Variants in PPARGC1A observed in about 807,000 individuals in gnomAD.
PPARGC1A encodes the protein peroxisome proliferator-activated receptor gamma coactivator 1-alpha.
Under a neutral mutation model 88.7 loss-of-function variants are expected in PPARGC1A, and 25 were observed. The ratio of observed to expected loss-of-function variants is 0.28; its 90% confidence interval spans 0.21 to 0.39. The LOEUF is 0.39. Among genes scored for constraint, PPARGC1A ranks in the 10% least tolerant of loss-of-function variants. The probability of loss-of-function intolerance (pLI) is 1.00; values close to 1 mark genes in which losing one functional copy is unlikely to be tolerated. For missense variants in PPARGC1A, 880 were observed against 968.7 expected (o/e 0.91, Z 1.22); for synonymous variants, 363 against 355.6 (o/e 1.02, Z -0.24).
chr4:24,359,763 G>A, the PPARGC1A span, among the ~76,000 whole-genome samples: 1 of 152,120 alleles, frequency 6.6e-6, no homozygotes, highest in African/African-American at 2.4e-5. Context: ...TACAAGCCAA[G>A]GAACACCAAA....
chr4:24,141,265 C>G, the PPARGC1A span, among the ~76,000 whole-genome samples: 2 of 152,256 alleles, frequency 1.3e-5, no homozygotes, highest in African/African-American at 4.8e-5. Context: ...CTTGGCCAAG[C>G]GGCCTCAGGT....
At chr4:24,248,118 C>T in the PPARGC1A span, among the ~76,000 whole-genome samples, 21 of 152,098 alleles carry the variant, frequency 1.4e-4, no homozygotes, top group African/African-American at 5.1e-4. Flanking sequence ...GTATTTCTTT[C>T]TCTTTTTTCT....
At chr4:23,909,320 T>C in the PPARGC1A span, among the ~76,000 whole-genome samples, 3 of 152,156 alleles carry the variant, frequency 2.0e-5, no homozygotes. Context: ...TAATAGTCTT[T>C]TAAGGAAAAA....
chr4:23,908,088 T>C (rs575660194), upstream of PPARGC1A, among the ~76,000 whole-genome samples: 10 of 152,332 alleles, frequency 6.6e-5, no homozygotes, highest in South Asian at 2.1e-3. Context: ...CTACCGATGC[T>C]TCGTCATGGG....
intron 1 of PPARGC1A, among the ~76,000 whole-genome samples, chr4:23,888,364 T>G (rs1717262715): frequency 6.6e-6 from 1 of 152,198 alleles, no homozygotes; most frequent in Non-Finnish European, 1.5e-5. Context: ...AAAATAAATC[T>G]TCCTTATTTC....
intron 12 of PPARGC1A, among the ~76,000 whole-genome samples, chr4:23,798,861 TCA>T: frequency 6.6e-6 from 1 of 152,326 alleles, no homozygotes; most frequent in East Asian, 1.9e-4. Context: ...TTTTAATCTC[TCA>T]CTCTCATTTA....
At chr4:23,937,050 G>C in the PPARGC1A span, among the ~76,000 whole-genome samples, 1 of 151,854 alleles carries the variant, frequency 6.6e-6, no homozygotes, top group Non-Finnish European at 1.5e-5. Context: ...AGACCAGGAG[G>C]GGTGCCATGA....
At chr4:24,407,896 C>T in the PPARGC1A span, among the ~76,000 whole-genome samples, 4 of 152,166 alleles carry the variant, frequency 2.6e-5, no homozygotes, top group African/African-American at 9.7e-5. Context: ...ATTCCAAACT[C>T]ATTTCCTGAT....
chr4:24,263,172 C>A, the PPARGC1A span, among the ~76,000 whole-genome samples: 1 of 152,126 alleles, frequency 6.6e-6, no homozygotes, highest in Admixed American at 6.5e-5. Flanking sequence ...CAGTAGTAAA[C>A]AAGTGACGTA....
chr4:24,185,179 G>A, the PPARGC1A span, among the ~76,000 whole-genome samples: 1 of 152,086 alleles, frequency 6.6e-6, no homozygotes, highest in Non-Finnish European at 1.5e-5. Flanking sequence ...TTTCCCTCAT[G>A]AAATACCAGA....
At chr4:23,945,815 G>A in the PPARGC1A span, among the ~76,000 whole-genome samples, 38 of 152,244 alleles carry the variant, frequency 2.5e-4, no homozygotes, top group East Asian at 7.7e-4. Flanking sequence ...ACTTGCTACC[G>A]TTGCAAGGAA....
At chr4:24,040,586 G>A in the PPARGC1A span, among the ~76,000 whole-genome samples, 16,706 of 152,138 alleles carry the variant, frequency 0.11, 1,088 homozygotes, top group South Asian at 0.2. Context: ...GTACATTAGT[G>A]AGTCCACTAA....
the PPARGC1A span, among the ~76,000 whole-genome samples, chr4:24,191,562 C>T: frequency 5.3e-5 from 8 of 152,158 alleles, no homozygotes; most frequent in Admixed American, 6.5e-5. Flanking sequence ...CACCAAAAGC[C>T]GATCCTACAT....
chr4:24,242,930 C>T, the PPARGC1A span, among the ~76,000 whole-genome samples: 2 of 152,104 alleles, frequency 1.3e-5, no homozygotes, highest in East Asian at 1.9e-4. Flanking sequence ...TTGGGGAAAC[C>T]TTTCTCCATC....
chr4:24,222,260 C>A, the PPARGC1A span, among the ~76,000 whole-genome samples: 1 of 152,230 alleles, frequency 6.6e-6, no homozygotes, highest in African/African-American at 2.4e-5. Flanking sequence ...TCTGTCCACA[C>A]TGCTGTGCAT....
chr4:24,430,943 C>A, the PPARGC1A span, among the ~76,000 whole-genome samples: 1 of 151,810 alleles, frequency 6.6e-6, no homozygotes, highest in South Asian at 2.1e-4. Context: ...CATGGTGAAA[C>A]CCTTTCTCTA....
chr4:24,451,651 T>G, the PPARGC1A span, among the ~76,000 whole-genome samples: 1 of 152,150 alleles, frequency 6.6e-6, no homozygotes, highest in East Asian at 1.9e-4. Flanking sequence ...CATCTCGGCT[T>G]ACTGCAACCT....
chr4:23,988,978 A>G, the PPARGC1A span, among the ~76,000 whole-genome samples: 1 of 148,028 alleles, frequency 6.8e-6, no homozygotes, highest in Non-Finnish European at 1.5e-5. Flanking sequence ...TATACTATAC[A>G]TATAGTATAC....
At chr4:24,239,335 G>A in the PPARGC1A span, among the ~76,000 whole-genome samples, 1 of 152,178 alleles carries the variant, frequency 6.6e-6, no homozygotes, top group Non-Finnish European at 1.5e-5. Context: ...AACTCAGTGG[G>A]TTCACAGGAA....
Sources: allele counts gnomAD v4.1 joint callset (sites outside exome capture counted in the v4.1 genomes callset), GRCh38; gene constraint gnomAD v4.1.1; transcripts MANE v1.5; gene names NCBI Gene and HGNC (gene_info 2026-07-23, HGNC 2026-07-21).